VTI1A: variants seen among roughly 807,000 people sequenced by gnomAD.
The protein encoded by VTI1A is vesicle transport through interaction with t-SNAREs homolog 1A.
Under a neutral mutation model 34.9 loss-of-function variants are expected in VTI1A, and 22 were observed. That is an observed-to-expected ratio of 0.63 (90% CI 0.45 to 0.90). The LOEUF (loss-of-function observed/expected upper bound fraction) is 0.90. Ranked by LOEUF, VTI1A falls within the 40% of genes least tolerant of loss-of-function variation. The pLI, the probability that VTI1A is intolerant of heterozygous loss-of-function variation, is 0.00. For missense variants in VTI1A, 268 were observed against 275.6 expected, an observed-to-expected ratio of 0.97 and a Z score of 0.20; for synonymous variants, 87 against 97.3, an observed-to-expected ratio of 0.89 and a Z score of 0.62.
chr10:112,615,309 G>A (rs1350501435), intron 5 of VTI1A, among the ~76,000 whole-genome samples: 2 of 152,230 alleles, frequency 1.3e-5, no homozygotes, highest in African/African-American at 4.8e-5. Flanking sequence ...CTGGAAAACA[G>A]ATGGCAGCAG....
At chr10:112,777,841 G>A (rs983567500) in intron 7 of VTI1A, among the ~76,000 whole-genome samples, 5 of 152,144 alleles carry the variant, frequency 3.3e-5, no homozygotes, top group Non-Finnish European at 4.4e-5. Context: ...CGTGGCTCAC[G>A]CCTGTAATCC....
At chr10:112,785,727 T>C (rs2134046173) in intron 7 of VTI1A, among the ~76,000 whole-genome samples, 1 of 152,314 alleles carries the variant, frequency 6.6e-6, no homozygotes, top group South Asian at 2.1e-4. Context: ...GGGTACCCAA[T>C]TTCTCTATTA....
intron 7 of VTI1A, among the ~76,000 whole-genome samples, chr10:112,728,244 A>G (rs1001868304): frequency 2.0e-5 from 3 of 152,014 alleles, no homozygotes; most frequent in African/African-American, 7.2e-5. Flanking sequence ...AAGTAAAAGA[A>G]GAAAAATTGA....
chr10:112,753,906 C>T (rs1352690029), intron 7 of VTI1A, among the ~76,000 whole-genome samples: 8 of 152,144 alleles, frequency 5.3e-5, no homozygotes, highest in African/African-American at 1.9e-4. Flanking sequence ...AAGAGAATTT[C>T]CAAGCATCCT....
intron 7 of VTI1A, among the ~76,000 whole-genome samples, chr10:112,786,152 G>C (rs1220752253): frequency 6.6e-6 from 1 of 151,988 alleles, no homozygotes; most frequent in Non-Finnish European, 1.5e-5. Context: ...TAGATTTCAC[G>C]GTACAGGTCT....
the VTI1A span, among the ~76,000 whole-genome samples, chr10:112,830,849 A>ATATATATATATATATATATATATATTT: frequency 6.3e-4 from 21 of 33,478 alleles, no homozygotes; most frequent in East Asian, 1.5e-3. Context: ...ATATATATAT[A>ATATATATATATATATATATATATATTT]TTTTTTTTTT....
chr10:112,606,792 A>G (rs571890060), intron 5 of VTI1A, among the ~76,000 whole-genome samples: 31 of 152,288 alleles, frequency 2.0e-4, no homozygotes, highest in Admixed American at 2.0e-3. Flanking sequence ...TCCTTGTTAA[A>G]TTTTGTCCTT....
At chr10:112,557,054 C>T (rs1480444901) in intron 5 of VTI1A, among the ~76,000 whole-genome samples, 1 of 152,020 alleles carries the variant, frequency 6.6e-6, no homozygotes, top group African/African-American at 2.4e-5. Flanking sequence ...AATAACTTTA[C>T]TAGTCCCATA....
rs565159967 is a variant in VTI1A, at chr10:112,673,458, G to A, written c.560+4460G>A. ...TTTGCCCCCATTCACACACATGCGCGCGTGCGCGCGCACACACACACACAC... is the reference window on the plus strand; with the variant it reads ...TTTGCCCCCATTCACACACATGCGCACGTGCGCGCGCACACACACACACAC... On this transcript the variant is annotated intron_variant, in intron 7 of 7. Coordinates refer to ENST00000393077, the MANE Select transcript of VTI1A (RefSeq NM_145206.4). Among the ~76,000 whole-genome samples the A allele has an allele frequency of 9.6e-3, 725 of 75,156 alleles. 5 individuals carry two copies. Among genetic ancestry groups the A allele is most frequent in the African/African-American group, 0.036 (697 of 19,466 alleles). 49.3% of individuals were successfully genotyped at this position (75,156 alleles called of 152,430 possible). A position where few individuals can be genotyped will look rare whatever the true frequency, so the allele number is the denominator to read the frequency against.
chr10:112,716,925 GA>G (rs1192514715), intron 7 of VTI1A, among the ~76,000 whole-genome samples: 1 of 152,200 alleles, frequency 6.6e-6, no homozygotes, highest in African/African-American at 2.4e-5. Flanking sequence ...TGGTACCTTA[GA>G]GGGGCTGTAG....
chr10:112,498,915 C>G (rs1010560931), intron 3 of VTI1A, among the ~76,000 whole-genome samples: 2 of 152,170 alleles, frequency 1.3e-5, no homozygotes, highest in African/African-American at 4.8e-5. Flanking sequence ...TCTATTTTCA[C>G]CACTGGGACT....
intron 5 of VTI1A, among the ~76,000 whole-genome samples, chr10:112,539,477 T>C (rs1162814751): frequency 6.6e-6 from 1 of 152,232 alleles, no homozygotes; most frequent in Non-Finnish European, 1.5e-5. Context: ...TTAATAGTTA[T>C]GGACAGCCCT....
chr10:112,490,506 G>A (rs1441740797), intron 3 of VTI1A, among the ~76,000 whole-genome samples: 1 of 152,154 alleles, frequency 6.6e-6, no homozygotes, highest in Non-Finnish European at 1.5e-5. Context: ...TTGTGTAGGA[G>A]TTGTATTAAA....
chr10:112,493,079 G>T (rs1453570576), intron 3 of VTI1A, among the ~76,000 whole-genome samples: 2 of 152,120 alleles, frequency 1.3e-5, no homozygotes. Flanking sequence ...CAATATGGGA[G>T]AAATTGCTAT....
intron 3 of VTI1A, among the ~76,000 whole-genome samples, chr10:112,518,892 A>T (rs976321693): frequency 6.6e-6 from 1 of 151,954 alleles, no homozygotes; most frequent in African/African-American, 2.4e-5. Flanking sequence ...TGAATGAGGT[A>T]TGAAGTTTCA....
At chr10:112,840,341 A>T in the VTI1A span, among the ~76,000 whole-genome samples, 1 of 152,124 alleles carries the variant, frequency 6.6e-6, no homozygotes, top group Admixed American at 6.5e-5. Flanking sequence ...CCTTCTAGTT[A>T]TCCCACCCAC....
intron 7 of VTI1A, among the ~76,000 whole-genome samples, chr10:112,775,022 CAG>C (rs1851921373): frequency 6.6e-6 from 1 of 152,202 alleles, no homozygotes; most frequent in African/African-American, 2.4e-5. Context: ...ATGGCTGCCT[CAG>C]TGCCTTGTCC....
Position 112,529,935 on chromosome 10 carries a change from C to T in VTI1A, c.342+2771C>T, listed in dbSNP as rs149663730. ...TTTATGATGCAGTTTTTTTAGGCAT[C>T]TGAAACCTGACTGTAATACATATAA... is the stretch of plus-strand genomic sequence containing the variant. On this transcript the variant is annotated intron_variant, in intron 4 of 7. Transcript: ENST00000393077. 8.7e-3 allele frequency among the ~76,000 whole-genome samples: 1,327 copies of T among 152,074 alleles called. 10 individuals are homozygous for T. Among genetic ancestry groups the T allele is most frequent in the Admixed American group, 0.014 (215 of 15,296 alleles).
chr10:112,632,242 G>T (rs537563027), intron 5 of VTI1A, among the ~76,000 whole-genome samples: 2 of 152,288 alleles, frequency 1.3e-5, no homozygotes, highest in South Asian at 2.1e-4. Flanking sequence ...CAAATGTCCT[G>T]CTGGTCATTT....
Sources: allele counts gnomAD v4.1 joint callset (sites outside exome capture counted in the v4.1 genomes callset), GRCh38; gene constraint gnomAD v4.1.1; transcripts MANE v1.5; gene names NCBI Gene and HGNC (gene_info 2026-07-23, HGNC 2026-07-21).